Variants in SPTBN1 observed in about 807,000 individuals in gnomAD.
SPTBN1 encodes the protein spectrin beta chain, non-erythrocytic 1.
Under a neutral mutation model 266.4 loss-of-function variants are expected in SPTBN1, and 32 were observed. The ratio of observed to expected loss-of-function variants is 0.12; its 90% confidence interval spans 0.09 to 0.16. SPTBN1 has a LOEUF of 0.16. Ranked by LOEUF, SPTBN1 falls within the 10% of genes least tolerant of loss-of-function variation. The pLI, the probability that SPTBN1 is intolerant of heterozygous loss-of-function variation, is 1.00. For synonymous variants in SPTBN1, 1,336 were observed against 1,162.2 expected (o/e 1.15, Z -3.04); for missense variants, 2,296 against 3,067.1 (o/e 0.75, Z 5.94).
chr2:54,624,450 A>G (rs1678193520), intron 10 of SPTBN1, among the ~76,000 whole-genome samples: 1 of 152,240 alleles, frequency 6.6e-6, no homozygotes. Flanking sequence ...ATGAATTCTT[A>G]GAAGAATCAT....
At position 54,644,310 on chromosome 2, in the gene SPTBN1, T is replaced by C. The variant is rs1679781443; in HGVS notation, c.4006-13T>C. 1 of 1,597,848 alleles carries C rather than the reference T, an allele frequency of 6.3e-7. No homozygotes were observed. The highest frequency in any genetic ancestry group is 1.7e-5 in the Admixed American group (1 of 59,296). ...ACTTGTTTATTTACAACCATGTTGG[T>C]TTTGTTTTCCAGGAAGGAATGCAGC... On this transcript the variant is annotated splice_polypyrimidine_tract_variant and intron_variant, in intron 19 of 35. Coordinates refer to ENST00000356805, the MANE Select transcript of SPTBN1 (RefSeq NM_003128.3).
chr2:54,644,488 G>T lies in SPTBN1; in HGVS notation c.4171G>T (p.Asp1391Tyr). The T allele has an allele frequency of 1.9e-6, 3 of 1,614,236 alleles. No homozygotes were observed. Among genetic ancestry groups the T allele is most frequent in the Non-Finnish European group, 2.5e-6 (3 of 1,180,048 alleles). The stretch of plus-strand genomic sequence containing the variant: ...CGAACTTTTCACCCAGAGCTGTGCA[G>T]ATCTAGACAAATGGCTGCACGGCCT... ...KAELFTQSCADLDKWLHGLES... is the reference protein window; with the variant it reads ...KAELFTQSCAYLDKWLHGLES... The change falls in exon 20 of 36, where the codon GAT becomes TAT. Residue 1391 changes from aspartate (D) to tyrosine (Y), a missense_variant. Coordinates refer to ENST00000356805, the MANE Select transcript of SPTBN1 (RefSeq NM_003128.3).
chr2:54,573,968 G>C (rs1674276592), intron 2 of SPTBN1, among the ~76,000 whole-genome samples: 1 of 152,106 alleles, frequency 6.6e-6, no homozygotes, highest in African/African-American at 2.4e-5. Flanking sequence ...GTTGCTGTGA[G>C]AATCAGTTAG....
At chr2:54,662,176 C>T (rs747069411) in intron 32 of SPTBN1, 248 of 985,112 alleles carry the variant, frequency 2.5e-4, no homozygotes, top group South Asian at 8.5e-4. Context: ...GGTGGGGTTG[C>T]GAGGGATGTG....
intron 1 of SPTBN1, among the ~76,000 whole-genome samples, chr2:54,503,030 T>C (rs1669355108): frequency 6.6e-6 from 1 of 152,202 alleles, no homozygotes; most frequent in African/African-American, 2.4e-5. Context: ...TTCCCTGACA[T>C]AGTAATCACA....
chr2:54,501,362 A>AT (rs1281151622), intron 1 of SPTBN1, among the ~76,000 whole-genome samples: 1 of 152,196 alleles, frequency 6.6e-6, no homozygotes, highest in East Asian at 1.9e-4. Flanking sequence ...AGACTGACAA[A>AT]TACCAGACCA....
intron 16 of SPTBN1, 92 bp downstream of exon 16, chr2:54,631,703 C>T: frequency 1.4e-6 from 2 of 1,457,134 alleles, no homozygotes; most frequent in South Asian, 2.6e-5. Flanking sequence ...GTTTAAACCA[C>T]ACCTGTATGG....
At chr2:54,578,355 T>C (rs1296979212) in intron 2 of SPTBN1, among the ~76,000 whole-genome samples, 5 of 152,224 alleles carry the variant, frequency 3.3e-5, no homozygotes, top group Non-Finnish European at 5.9e-5. Flanking sequence ...TTAAATATTT[T>C]CGACTGGTTG....
chr2:54,477,626 C>A (rs1667902450), intron 1 of SPTBN1, among the ~76,000 whole-genome samples: 1 of 152,076 alleles, frequency 6.6e-6, no homozygotes, highest in South Asian at 2.1e-4. Flanking sequence ...TTAAGACTGA[C>A]TGGTAGGCTG....
chr2:54,536,323 T>C (rs1372920325), intron 2 of SPTBN1, among the ~76,000 whole-genome samples: 2 of 152,230 alleles, frequency 1.3e-5, no homozygotes, highest in African/African-American at 4.8e-5. Flanking sequence ...TGACACAAAG[T>C]ATATTTTTAA....
At position 54,659,150 on chromosome 2, in the gene SPTBN1, T is replaced by G. The variant is rs368198316; in HGVS notation, c.6244-4T>G. 9.9e-6 allele frequency: 16 copies of G among 1,613,804 alleles called. No individual in the cohort carries two copies. The highest frequency in any genetic ancestry group is 6.7e-5 in the African/African-American group (5 of 75,020). ...CTACCAAACATCACTCTATTTTCTCTTAGTTGGAGTTACTGGAAGTGCGCA... is the reference window on the plus strand; with the variant it reads ...CTACCAAACATCACTCTATTTTCTCGTAGTTGGAGTTACTGGAAGTGCGCA... On this transcript the variant is annotated splice_region_variant and splice_polypyrimidine_tract_variant and intron_variant, in intron 30 of 35. Coordinates refer to ENST00000356805, the MANE Select transcript of SPTBN1 (RefSeq NM_003128.3).
At chr2:54,648,953 C>G (rs771163579) in intron 24 of SPTBN1, 33 bp from the exon 25 acceptor site, 2 of 1,530,398 alleles carry the variant, frequency 1.3e-6, no homozygotes, top group Non-Finnish European at 1.8e-6. Flanking sequence ...ATTTAAGATC[C>G]TTTTTCTCCC....
chr2:54,624,049 C>T (rs1349598909), intron 10 of SPTBN1, among the ~76,000 whole-genome samples: 1 of 152,198 alleles, frequency 6.6e-6, no homozygotes, highest in African/African-American at 2.4e-5. Context: ...TATAGAAATT[C>T]ACAGCAGGCA....
At chr2:54,561,665 T>A (rs1324997615) in intron 2 of SPTBN1, among the ~76,000 whole-genome samples, 5 of 142,512 alleles carry the variant, frequency 3.5e-5, no homozygotes, top group Non-Finnish European at 7.4e-5. Flanking sequence ...TTTATAGCGA[T>A]TTATAGTTTA....
intron 35 of SPTBN1, 125 bp downstream of exon 35, chr2:54,667,771 C>T (rs968813414): frequency 4.9e-6 from 4 of 815,874 alleles, no homozygotes; most frequent in East Asian, 5.3e-5. Context: ...TCACTGGGCT[C>T]CAGTCACCAG....
chr2:54,462,525 C>G (rs545291678), intron 1 of SPTBN1, among the ~76,000 whole-genome samples: 4 of 152,212 alleles, frequency 2.6e-5, no homozygotes, highest in Middle Eastern at 3.4e-3. Context: ...TCTGAGATTA[C>G]TTTGTAATAT....
intron 2 of SPTBN1, among the ~76,000 whole-genome samples, chr2:54,588,862 T>C (rs920964760): frequency 2.6e-5 from 4 of 152,216 alleles, no homozygotes; most frequent in Non-Finnish European, 5.9e-5. Flanking sequence ...TTCTGTTTTT[T>C]TACATTTGCT....
intron 18 of SPTBN1, 47 bp from the exon 19 acceptor site, chr2:54,642,936 C>G (rs7558853): frequency 1.3e-6 from 2 of 1,584,446 alleles, no homozygotes; most frequent in Non-Finnish European, 1.7e-6. Context: ...GGAAAAAAGG[C>G]TGATGTCTAG....
At chr2:54,472,802 T>C (rs1296396707) in intron 1 of SPTBN1, among the ~76,000 whole-genome samples, 1 of 152,178 alleles carries the variant, frequency 6.6e-6, no homozygotes, top group Non-Finnish European at 1.5e-5. Flanking sequence ...GGTTAATGAT[T>C]GGAAGTAAAC....
Sources: allele counts gnomAD v4.1 joint callset (sites outside exome capture counted in the v4.1 genomes callset), GRCh38; gene constraint gnomAD v4.1.1; transcripts MANE v1.5; gene names NCBI Gene and HGNC (gene_info 2026-07-23, HGNC 2026-07-21).